FBN2: variants seen among roughly 807,000 people sequenced by gnomAD.
The protein encoded by FBN2 is fibrillin-2.
A neutral mutation model predicts 355.6 loss-of-function variants in FBN2; 105 were observed. The ratio of observed to expected loss-of-function variants is 0.30; its 90% CI spans 0.25 to 0.35. The LOEUF is 0.35. FBN2 is among the 10% of genes least tolerant of loss of function. FBN2 has a pLI of 1.00. For missense variants in FBN2, 3,280 were observed against 3,758.7 expected (o/e 0.87, Z 3.33); for synonymous variants, 1,350 against 1,301.2 (o/e 1.04, Z -0.81).
chr5:128,470,767 C>T (rs1207979830), intron 5 of FBN2, among the ~76,000 whole-genome samples: 1 of 152,064 alleles, frequency 6.6e-6, no homozygotes, highest in Admixed American at 6.5e-5. Flanking sequence ...AATACATCAG[C>T]TGCCCATGTG....
rs145849030 is a variant in FBN2 at position 128,394,899 on chromosome 5, C to CCT, written c.1231+221_1231+222dup. ...AGCCCAAGCTCATGTGATTCTCCCA[C>CCT]CTCAGTCCCACAAGTATCTGGGATT... On this transcript the variant is annotated intron_variant, in intron 9 of 64. Coordinates refer to ENST00000262464, the MANE Select transcript of FBN2 (RefSeq NM_001999.4). Among the ~76,000 whole-genome samples the CCT allele has an allele frequency of 0.058, 8,755 of 152,178 alleles. 316 individuals are homozygous for CCT. The highest frequency in any genetic ancestry group is 0.078 in the Non-Finnish European group (5,325 of 68,004).
intron 50 of FBN2, among the ~76,000 whole-genome samples, chr5:128,290,186 C>A (rs1186472298): frequency 6.6e-6 from 1 of 152,204 alleles, no homozygotes; most frequent in African/African-American, 2.4e-5. Context: ...TAAAGCTGAG[C>A]AGCTAAAGAG....
intron 8 of FBN2, among the ~76,000 whole-genome samples, chr5:128,408,365 AAAG>A (rs1305067599): frequency 6.6e-6 from 1 of 152,220 alleles, no homozygotes; most frequent in Non-Finnish European, 1.5e-5. Flanking sequence ...TCATAGCACA[AAAG>A]AAGCTTTAAT....
intron 7 of FBN2, among the ~76,000 whole-genome samples, chr5:128,438,581 A>G (rs1753835754): frequency 6.6e-6 from 1 of 152,210 alleles, no homozygotes; most frequent in Non-Finnish European, 1.5e-5. Flanking sequence ...TTAGATGTGC[A>G]TATATTGTCT....
At chr5:128,354,239 G>A (rs1242480649) in intron 20 of FBN2, among the ~76,000 whole-genome samples, 1 of 152,156 alleles carries the variant, frequency 6.6e-6, no homozygotes, top group Admixed American at 6.5e-5. Context: ...AAACCCGAGA[G>A]AAAAACATTC....
chr5:128,299,434 CACA>C (rs1749647405), intron 48 of FBN2, among the ~76,000 whole-genome samples: 1 of 122,940 alleles, frequency 8.1e-6, no homozygotes, highest in Non-Finnish European at 1.7e-5. Flanking sequence ...CCCCCAGCCT[CACA>C]GTTTGATCTC....
intron 11 of FBN2, among the ~76,000 whole-genome samples, chr5:128,386,413 T>C (rs1752366930): frequency 1.3e-5 from 2 of 152,174 alleles, no homozygotes; most frequent in Admixed American, 6.5e-5. Flanking sequence ...TGTACTGTTT[T>C]GGTAGCTGTT....
At chr5:128,291,794 C>A in intron 48 of FBN2, 140 bp from the exon 49 acceptor site, 2 of 900,460 alleles carry the variant, frequency 2.2e-6, no homozygotes, top group Non-Finnish European at 1.8e-6. Flanking sequence ...TAAAAATAAA[C>A]TATTATTGCT....
intron 60 of FBN2, 49 bp from the exon 61 acceptor site, chr5:128,274,017 G>A: frequency 1.2e-6 from 2 of 1,608,850 alleles, no homozygotes; most frequent in Non-Finnish European, 8.5e-7. Context: ...ATCATAACAT[G>A]TCTTACGTTT....
Position 128,345,474 on chromosome 5 carries a change from C to T in FBN2, c.3100G>A (p.Gly1034Ser), listed in dbSNP as rs1430241897. The T allele has an allele frequency of 6.2e-7, 1 of 1,614,130 alleles. No individual in the cohort carries two copies. The stretch of plus-strand genomic sequence containing the variant: ...TTGGGGCACTCCTCACACTCGGTGC[C>T]CCAAGCCGCCCCGACAGCACAGCAG... ...ACCCAVGAAW[G>S]TECEECPKPG... is the part of the protein sequence containing the mutation. Residue 1034 changes from glycine to serine, a missense_variant, in exon 24 of 65, where the codon GGC becomes AGC. Transcript: ENST00000262464.
intron 36 of FBN2, among the ~76,000 whole-genome samples, chr5:128,313,090 C>G: frequency 6.6e-6 from 1 of 152,108 alleles, no homozygotes; most frequent in Middle Eastern, 3.2e-3. Context: ...ACTGGACCTC[C>G]AATAATAGGA....
intron 25 of FBN2, among the ~76,000 whole-genome samples, chr5:128,340,461 CAATT>C: frequency 6.6e-6 from 1 of 152,232 alleles, no homozygotes; most frequent in East Asian, 1.9e-4. Flanking sequence ...TTTATTGATT[CAATT>C]AAGTAGCTAA....
intron 55 of FBN2, among the ~76,000 whole-genome samples, chr5:128,284,028 G>A (rs1051353619): frequency 4.6e-5 from 7 of 151,786 alleles, no homozygotes; most frequent in Non-Finnish European, 8.8e-5. Flanking sequence ...TTTTTCTCTC[G>A]TCTGGATGTT....
chr5:128,335,427 C>A, intron 29 of FBN2, 28 bp downstream of exon 29: 1 of 1,614,082 alleles, frequency 6.2e-7, no homozygotes, highest in Non-Finnish European at 8.5e-7. Flanking sequence ...GTTAGATGTA[C>A]AAAACCTGTG....
chr5:128,388,451 A>C (rs1752423832), intron 11 of FBN2, among the ~76,000 whole-genome samples: 1 of 152,120 alleles, frequency 6.6e-6, no homozygotes, highest in South Asian at 2.1e-4. Context: ...TATGTACTTA[A>C]GTTTGTTTTT....
intron 5 of FBN2, among the ~76,000 whole-genome samples, chr5:128,488,535 T>C (rs533157671): frequency 1.3e-5 from 2 of 152,232 alleles, no homozygotes; most frequent in East Asian, 1.9e-4. Context: ...AGTTTTAGGG[T>C]ACATGTGCAC....
At chr5:128,523,419 G>A (rs1756486775) in intron 4 of FBN2, among the ~76,000 whole-genome samples, 2 of 151,774 alleles carry the variant, frequency 1.3e-5, no homozygotes, top group South Asian at 4.2e-4. Context: ...TCACAATGTT[G>A]GGCTGAATTG....
At position 128,297,738 on chromosome 5, in the gene FBN2, G is replaced by T. The variant is rs973167232; in HGVS notation, c.6166+3079C>A. ...TTTGAGCCTATGTGTGTCTCTGCCCGTGAGATGGGTTTCCTGAATACAGCA... is the reference window on the plus strand; with the variant it reads ...TTTGAGCCTATGTGTGTCTCTGCCCTTGAGATGGGTTTCCTGAATACAGCA... On this transcript the variant is annotated intron_variant, in intron 48 of 64. Coordinates refer to ENST00000262464, the MANE Select transcript of FBN2 (RefSeq NM_001999.4). 4.2e-4 allele frequency among the ~76,000 whole-genome samples: 64 copies of T among 152,068 alleles called. 1 individual carries two copies. The highest frequency in any genetic ancestry group is 1.9e-3 in the Admixed American group (29 of 15,270).
rs554060730 is a variant in FBN2, at chr5:128,497,905, T to A, written c.628+21368A>T. 1.1e-4 allele frequency among the ~76,000 whole-genome samples: 16 copies of A among 152,294 alleles called. 1 individual carries two copies. The highest frequency in any genetic ancestry group is 3.9e-4 in the African/African-American group (16 of 41,556). On this transcript the variant is annotated intron_variant, in intron 5 of 64. Transcript: ENST00000262464. ...ATACTTAGTGAAATAACTCCCAATT[T>A]AGAACCCCTCATGCCTCAACCAATT...
Sources: allele counts gnomAD v4.1 joint callset (sites outside exome capture counted in the v4.1 genomes callset), GRCh38; gene constraint gnomAD v4.1.1; transcripts MANE v1.5; gene names NCBI Gene and HGNC (gene_info 2026-07-23, HGNC 2026-07-21).